The following CASP2 variants were observed in gnomAD, a reference collection of about 807,000 sequenced individuals.
The protein encoded by CASP2 is caspase-2.
CASP2 carries 38 observed loss-of-function variants against 54.4 expected under a neutral mutation model. The ratio of observed to expected loss-of-function variants is 0.70; its 90% CI spans 0.54 to 0.92. The LOEUF is 0.92. Among genes scored for constraint, CASP2 ranks in the 40% least tolerant of loss-of-function variants. The probability of loss-of-function intolerance (pLI) is 0.00; values close to 1 mark genes in which losing one functional copy is unlikely to be tolerated. For synonymous variants in CASP2, 215 were observed against 216.3 expected, an observed-to-expected ratio of 0.99 and a Z score of 0.05; for missense variants, 512 against 579.6, an observed-to-expected ratio of 0.88 and a Z score of 1.20.
At chr7:143,297,582 G>A (rs993235282) in intron 6 of CASP2, among the ~76,000 whole-genome samples, 3 of 152,152 alleles carry the variant, frequency 2.0e-5, no homozygotes, top group Admixed American at 6.5e-5. Context: ...GAGTAGCTGG[G>A]ATTACAGGCG....
At chr7:143,290,352 G>A (rs561163751) in intron 1 of CASP2, among the ~76,000 whole-genome samples, 6 of 152,192 alleles carry the variant, frequency 3.9e-5, no homozygotes, top group Non-Finnish European at 8.8e-5. Flanking sequence ...ATGAGCCACC[G>A]TGCCCGGCCT....
intron 8 of CASP2, chr7:143,302,868 G>C (rs1043688397): frequency 6.6e-6 from 1 of 152,168 alleles, no homozygotes; most frequent in African/African-American, 2.4e-5. Flanking sequence ...GATCTGCTCA[G>C]GGTATGTTGA....
Position 143,299,974 on chromosome 7 carries a change from A to C in CASP2, c.799A>C (p.Thr267Pro). ...NFAQLPAHRV[T>P]DSCIVALLSH... ...TGCACAGTTACCTGCACACCGAGTCACGGACTCCTGCATCGTGGCACTCCT... is the reference window on the plus strand; with the variant it reads ...TGCACAGTTACCTGCACACCGAGTCCCGGACTCCTGCATCGTGGCACTCCT... Residue 267 changes from threonine (T) to proline (P), a missense_variant, in exon 7 of 11, where the codon ACG (threonine) becomes CCG (proline). Thr to Pro is a conservative substitution (Grantham distance 38). Around this residue, in one of 3 missense-constraint regions of CASP2, gnomAD observed 417 missense variants for 495.4 expected, o/e 0.84. Coordinates refer to ENST00000310447, the MANE Select transcript of CASP2 (RefSeq NM_032982.4). 6.2e-7 allele frequency: 1 copy of C among 1,614,176 alleles called. No homozygotes were observed. The highest frequency in any genetic ancestry group is 1.1e-5 in the South Asian group (1 of 91,064).
intron 9 of CASP2, 93 bp downstream of exon 9, chr7:143,304,026 TGAAGTGTTGGAACCA>T: frequency 8.2e-7 from 1 of 1,226,562 alleles, no homozygotes; most frequent in Non-Finnish European, 1.2e-6. Context: ...ATCCCTTATC[TGAAGTGTTGGAACCA>T]GAAGTGTTTC....
intron 1 of CASP2, chr7:143,289,774 T>G (rs968568088): frequency 1.4e-5 from 3 of 208,702 alleles, no homozygotes; most frequent in African/African-American, 7.1e-5. Context: ...TGTAGCCAGT[T>G]TTTCCTGAAA....
Position 143,288,412 on chromosome 7 carries a change from G to C in CASP2, c.-44G>C. Reference sequence around the variant, plus strand: ...GGAAGCGACGGCCCCCGGTTTGTTTGGGCTGTGGGCGGTGCGCAGCGGAGA... The same window carrying C: ...GGAAGCGACGGCCCCCGGTTTGTTTCGGCTGTGGGCGGTGCGCAGCGGAGA... On this transcript the variant is annotated 5_prime_UTR_variant, in exon 1 of 11. Coordinates refer to ENST00000310447, the MANE Select transcript of CASP2 (RefSeq NM_032982.4). 1.3e-6 allele frequency: 2 copies of C among 1,598,434 alleles called. No individual in the cohort carries two copies. Among genetic ancestry groups the C allele is most frequent in the Non-Finnish European group, 1.7e-6 (2 of 1,168,520 alleles).
chr7:143,296,187 A>T (rs1023379152), intron 6 of CASP2, among the ~76,000 whole-genome samples: 1 of 152,238 alleles, frequency 6.6e-6, no homozygotes, highest in East Asian at 1.9e-4. Context: ...TCACTTCATA[A>T]ATAGCATTTC....
At chr7:143,296,122 A>C (rs1011630631) in intron 6 of CASP2, among the ~76,000 whole-genome samples, 7 of 152,254 alleles carry the variant, frequency 4.6e-5, no homozygotes, top group Non-Finnish European at 7.3e-5. Flanking sequence ...TCACTAAGTC[A>C]ACTATATATA....
intron 2 of CASP2, 88 bp downstream of exon 2, chr7:143,291,778 T>TC (rs2116765004): frequency 2.3e-6 from 2 of 853,398 alleles, no homozygotes; most frequent in Non-Finnish European, 1.7e-6. Flanking sequence ...GTATCTTTCT[T>TC]CCTTTTTTTT....
intron 6 of CASP2, among the ~76,000 whole-genome samples, chr7:143,299,427 C>T (rs1369005344): frequency 6.6e-6 from 1 of 152,198 alleles, no homozygotes; most frequent in Non-Finnish European, 1.5e-5. Context: ...ATCTCTTGGA[C>T]ACTTAGAATC....
At chr7:143,291,513 G>A in intron 1 of CASP2, 27 bp from the exon 2 acceptor site, 1 of 1,613,160 alleles carries the variant, frequency 6.2e-7, no homozygotes, top group Non-Finnish European at 8.5e-7. Flanking sequence ...TGACTTGACA[G>A]CCTTTCCTTC....
At chr7:143,302,693 G>A (rs1801949654) in intron 8 of CASP2, 1 of 152,150 alleles carries the variant, frequency 6.6e-6, no homozygotes, top group African/African-American at 2.4e-5. Flanking sequence ...GCATGGATCA[G>A]GAAGTACTGT....
rs745356050 is a variant in CASP2, at chr7:143,300,186, C to A, written c.877-18C>A. On this transcript the variant is annotated intron_variant, in intron 7 of 10. Coordinates refer to ENST00000310447, the MANE Select transcript of CASP2 (RefSeq NM_032982.4). ...GCTGAATGCTTAACCTCTCTTCTTCCTTCTTTCTTTCTGGCAGCTCCAAGA... is the reference window on the plus strand; with the variant it reads ...GCTGAATGCTTAACCTCTCTTCTTCATTCTTTCTTTCTGGCAGCTCCAAGA... 13 of 1,613,858 alleles carry A rather than the reference C, an allele frequency of 8.1e-6. No homozygotes were observed. The highest frequency in any genetic ancestry group is 1.1e-5 in the Non-Finnish European group (13 of 1,179,898).
At chr7:143,296,269 CTG>C (rs968401693) in intron 6 of CASP2, among the ~76,000 whole-genome samples, 35 of 152,266 alleles carry the variant, frequency 2.3e-4, no homozygotes, top group African/African-American at 8.2e-4. Context: ...TGCTCTGTAA[CTG>C]GAATTGCAGT....
rs970006756 is a variant in CASP2, at chr7:143,297,904, A to G, written c.748-2019A>G. On this transcript the variant is annotated intron_variant, in intron 6 of 10. Transcript: ENST00000310447. ...TATCTGTCATTACCTTAAGATTTCT[A>G]TTATTATGGTTTGCTTCTACTTAGA... Among the ~76,000 whole-genome samples the G allele has an allele frequency of 3.3e-5, 5 of 152,206 alleles. No individual in the cohort carries two copies. In the East Asian group the frequency reaches 9.6e-4, roughly 29 times the overall value.
intron 6 of CASP2, 115 bp from the exon 7 acceptor site, chr7:143,299,808 A>G: frequency 8.8e-7 from 1 of 1,141,682 alleles, no homozygotes; most frequent in South Asian, 1.3e-5. Context: ...GACCACAGGA[A>G]TATACATAAA....
At chr7:143,291,765 G>A (rs1801569746) in intron 2 of CASP2, 75 bp downstream of exon 2, 3 of 845,890 alleles carry the variant, frequency 3.5e-6, no homozygotes, top group Non-Finnish European at 5.5e-6. Context: ...TGGAAAGGGT[G>A]TCGTATCTTT....
At chr7:143,290,651 C>T in intron 1 of CASP2, 1 of 152,258 alleles carries the variant, frequency 6.6e-6, no homozygotes. Flanking sequence ...GTCCCAACTA[C>T]TTGGGAGGCT....
At chr7:143,302,825 C>T (rs563642053) in intron 8 of CASP2, 12 of 152,308 alleles carry the variant, frequency 7.9e-5, no homozygotes, top group African/African-American at 2.9e-4. Context: ...AAGAGTCTGT[C>T]TTGGGATACA....
Sources: gnomAD v4.1 joint callset for allele counts (sites outside exome capture counted in the v4.1 genomes callset) on GRCh38, gnomAD v4.1.1 for gene constraint, gnomAD v4.1.1 regional missense constraint, MANE v1.5 for transcripts, NCBI Gene and HGNC (gene_info 2026-07-23, HGNC 2026-07-21) for gene names.